Variants in ADAMTSL1 observed in about 807,000 individuals in gnomAD.
ADAMTSL1 encodes the protein ADAMTS like 1, also known as ADAMTS-like protein 1.
In ADAMTSL1, 126 loss-of-function variants were observed where a neutral mutation model predicts 201.8. That is an observed-to-expected ratio of 0.62 (90% CI 0.54 to 0.72). The LOEUF is 0.72. Among genes scored for constraint, ADAMTSL1 ranks in the 30% least tolerant of loss-of-function variants. The pLI is 0.00. For synonymous variants in ADAMTSL1, 1,121 were observed against 903.4 expected (o/e 1.24, Z -4.32); for missense variants, 2,679 against 2,277.8 (o/e 1.18, Z -3.59).
At chr9:18,890,724 C>G (rs186188364) in intron 25 of ADAMTSL1, 37 of 363,734 alleles carry the variant, frequency 1.0e-4, no homozygotes, top group African/African-American at 5.8e-4. Context: ...TTCTCAAACC[C>G]CCCCCACCCC....
At chr9:18,544,795 T>C (rs909144323) in intron 3 of ADAMTSL1, among the ~76,000 whole-genome samples, 6 of 152,234 alleles carry the variant, frequency 3.9e-5, no homozygotes, top group African/African-American at 7.2e-5. Context: ...AGTTGTTATA[T>C]TGAGACCCAC....
exon 1 of ADAMTSL1, chr9:17,906,710 G>C (rs1245292733): frequency 6.5e-6 from 1 of 152,814 alleles, no homozygotes; most frequent in African/African-American, 2.4e-5. Flanking sequence ...TCTGTCTCGT[G>C]GGGCGCACGC....
At chr9:18,643,817 C>T (rs982226467) in intron 7 of ADAMTSL1, among the ~76,000 whole-genome samples, 16 of 151,572 alleles carry the variant, frequency 1.1e-4, no homozygotes, top group Admixed American at 6.6e-4. Context: ...TCGTATGATG[C>T]CTTTATCTTT....
intron 1 of ADAMTSL1, among the ~76,000 whole-genome samples, chr9:17,923,457 T>C (rs1220537394): frequency 6.6e-6 from 1 of 151,036 alleles, no homozygotes; most frequent in East Asian, 1.9e-4. Context: ...GTTGTTGGTG[T>C]ATAAGAATGC....
At chr9:18,048,289 A>G (rs1412499600) in intron 1 of ADAMTSL1, among the ~76,000 whole-genome samples, 1 of 152,160 alleles carries the variant, frequency 6.6e-6, no homozygotes, top group Non-Finnish European at 1.5e-5. Context: ...TGTTTCCTTT[A>G]TATGAAATGC....
At chr9:18,162,248 C>G (rs189119913) in intron 1 of ADAMTSL1, among the ~76,000 whole-genome samples, 121 of 152,140 alleles carry the variant, frequency 8.0e-4, no homozygotes, top group Admixed American at 1.7e-3. Context: ...GTCCTTGTTA[C>G]ACTTTAAATC....
At chr9:18,645,162 G>A (rs953903381) in intron 7 of ADAMTSL1, among the ~76,000 whole-genome samples, 1 of 152,158 alleles carries the variant, frequency 6.6e-6, no homozygotes, top group Non-Finnish European at 1.5e-5. Flanking sequence ...TTTTTCATGT[G>A]TCTTTTGGCT....
chr9:18,847,398 G>C (rs899782256), intron 23 of ADAMTSL1, among the ~76,000 whole-genome samples: 6 of 152,162 alleles, frequency 3.9e-5, no homozygotes, highest in African/African-American at 2.4e-5. Context: ...AGACAAAACA[G>C]ACAAAAGTCC....
In ADAMTSL1 at chr9:18,777,195, A is replaced by G; in HGVS notation, c.2966A>G (p.Lys989Arg). The G allele has an allele frequency of 1.2e-6, 2 of 1,612,874 alleles. No homozygotes were observed. Among genetic ancestry groups the G allele is most frequent in the Non-Finnish European group, 1.7e-6 (2 of 1,179,808 alleles). Residue 989 changes from lysine to arginine, a missense_variant, in exon 19 of 29, where the codon AAG becomes AGG. Physicochemically the swap from Lys to Arg is conservative, Grantham distance 26. Coordinates refer to ENST00000380548, the MANE Select transcript of ADAMTSL1 (RefSeq NM_001040272.6). Reference sequence around the variant, plus strand: ...CTTGCGGGGAGGAAGGGCGGCCCGAAGGAGGCCCTGCAGACCCACAAACAC... The same window carrying G: ...CTTGCGGGGAGGAAGGGCGGCCCGAGGGAGGCCCTGCAGACCCACAAACAC... ...EVLAGRKGGP[K>R]EALQTHKHQN...
chr9:18,628,887 A>G (rs983658891), intron 5 of ADAMTSL1, among the ~76,000 whole-genome samples: 1 of 152,150 alleles, frequency 6.6e-6, no homozygotes. Context: ...AGGTTTCACT[A>G]TGTTGCCCAG....
intron 2 of ADAMTSL1, among the ~76,000 whole-genome samples, chr9:18,220,269 C>T (rs1055701767): frequency 3.9e-5 from 6 of 152,114 alleles, no homozygotes; most frequent in African/African-American, 9.7e-5. Context: ...TTTGCTCTTA[C>T]ATTTTAAGCT....
intron 2 of ADAMTSL1, among the ~76,000 whole-genome samples, chr9:18,344,508 A>G (rs1314575015): frequency 6.6e-6 from 1 of 152,054 alleles, no homozygotes; most frequent in East Asian, 1.9e-4. Context: ...TATCTTTTAA[A>G]TTTGGAAACC....
At chr9:18,258,927 C>G (rs745796017) in intron 2 of ADAMTSL1, among the ~76,000 whole-genome samples, 1 of 152,176 alleles carries the variant, frequency 6.6e-6, no homozygotes, top group Non-Finnish European at 1.5e-5. Flanking sequence ...CTTCATCTTA[C>G]CAAGTCCAGT....
At chr9:18,137,734 C>A (rs796159962) in intron 1 of ADAMTSL1, among the ~76,000 whole-genome samples, 1 of 152,276 alleles carries the variant, frequency 6.6e-6, no homozygotes, top group African/African-American at 2.4e-5. Context: ...TTGTAGAATT[C>A]TGTATTTTGT....
At chr9:18,519,867 G>T (rs750637180) in intron 2 of ADAMTSL1, among the ~76,000 whole-genome samples, 5 of 152,146 alleles carry the variant, frequency 3.3e-5, no homozygotes, top group Admixed American at 6.5e-5. Flanking sequence ...TGACCTTTAT[G>T]GTCTACAGTG....
chr9:18,281,924 C>T (rs1294197613), intron 2 of ADAMTSL1, among the ~76,000 whole-genome samples: 1 of 152,108 alleles, frequency 6.6e-6, no homozygotes, highest in Non-Finnish European at 1.5e-5. Flanking sequence ...AATGTATTTT[C>T]TTATTTCTTC....
intron 19 of ADAMTSL1, 125 bp downstream of exon 19, chr9:18,778,031 C>T (rs1793872258): frequency 5.5e-6 from 7 of 1,262,766 alleles, no homozygotes; most frequent in African/African-American, 1.5e-5. Flanking sequence ...CTCGGGGACC[C>T]CATCATGGGG....
At chr9:18,572,210 A>G (rs1277693301) in intron 3 of ADAMTSL1, among the ~76,000 whole-genome samples, 1 of 151,944 alleles carries the variant, frequency 6.6e-6, no homozygotes, top group African/African-American at 2.4e-5. Context: ...AAAAAAAAAT[A>G]AAGTTAATTT....
chr9:17,969,089 G>C (rs1818099318), intron 1 of ADAMTSL1, among the ~76,000 whole-genome samples: 1 of 151,908 alleles, frequency 6.6e-6, no homozygotes, highest in South Asian at 2.1e-4. Context: ...TCAGTACCTA[G>C]AATCATTTTT....
Sources: gnomAD v4.1 joint callset for allele counts (sites outside exome capture counted in the v4.1 genomes callset) on GRCh38, gnomAD v4.1.1 for gene constraint, MANE v1.5 for transcripts, NCBI Gene and HGNC (gene_info 2026-07-23, HGNC 2026-07-21) for gene names.